SSBP2: variants seen among roughly 807,000 people sequenced by gnomAD.
The protein encoded by SSBP2 is single-stranded DNA-binding protein 2.
A neutral mutation model predicts 61.8 loss-of-function variants in SSBP2; 17 were observed. The ratio of observed to expected loss-of-function variants is 0.28; its 90% CI spans 0.19 to 0.41. SSBP2 has a LOEUF of 0.41. Ranked by LOEUF, SSBP2 falls within the 10% of genes least tolerant of loss-of-function variation. SSBP2 has a pLI of 1.00. For synonymous variants in SSBP2, 139 were observed against 141.3 expected (o/e 0.98, Z 0.12); for missense variants, 310 against 458.7 (o/e 0.68, Z 2.96).
At chr5:81,647,343 G>T (rs533913188) in intron 2 of SSBP2, among the ~76,000 whole-genome samples, 4 of 151,954 alleles carry the variant, frequency 2.6e-5, no homozygotes, top group Admixed American at 2.6e-4. Flanking sequence ...AAAATATATA[G>T]TATTACTTTA....
intron 6 of SSBP2, among the ~76,000 whole-genome samples, chr5:81,476,268 C>G (rs1471707424): frequency 2.0e-5 from 3 of 152,114 alleles, no homozygotes; most frequent in Admixed American, 6.5e-5. Context: ...CACTACCATC[C>G]AAGTCCAAGA....
intron 10 of SSBP2, 57 bp downstream of exon 10, chr5:81,460,997 AT>A: frequency 9.1e-7 from 1 of 1,094,282 alleles, no homozygotes; most frequent in East Asian, 3.2e-5. Flanking sequence ...TGTTTTTGTG[AT>A]TTTTGTTAAA....
At chr5:81,516,952 C>T (rs533528239) in intron 4 of SSBP2, among the ~76,000 whole-genome samples, 1 of 152,124 alleles carries the variant, frequency 6.6e-6, no homozygotes, top group South Asian at 2.1e-4. Flanking sequence ...GGGCCTGAAC[C>T]ATAAAGCATG....
intron 5 of SSBP2, among the ~76,000 whole-genome samples, chr5:81,509,060 T>A (rs148084048): frequency 2.0e-5 from 3 of 152,296 alleles, no homozygotes; most frequent in Non-Finnish European, 4.4e-5. Context: ...ATTTAGTAGT[T>A]GCAACCAGGA....
chr5:81,634,160 A>G (rs1747984030), intron 3 of SSBP2, among the ~76,000 whole-genome samples: 1 of 152,196 alleles, frequency 6.6e-6, no homozygotes, highest in South Asian at 2.1e-4. Flanking sequence ...TTTAAATCTG[A>G]TAAGAAGCAT....
chr5:81,652,515 G>A (rs942083590), intron 1 of SSBP2, among the ~76,000 whole-genome samples: 3 of 152,102 alleles, frequency 2.0e-5, no homozygotes, highest in African/African-American at 7.2e-5. Context: ...CCTACCATTA[G>A]AATCTGCTGT....
intron 1 of SSBP2, among the ~76,000 whole-genome samples, chr5:81,717,909 GAGGA>G (rs1288316698): frequency 6.6e-6 from 1 of 152,116 alleles, no homozygotes; most frequent in Non-Finnish European, 1.5e-5. Context: ...CCAATCAATG[GAGGA>G]TACATGGTTG....
chr5:81,635,271 A>G (rs544012778), intron 3 of SSBP2, among the ~76,000 whole-genome samples: 1 of 152,190 alleles, frequency 6.6e-6, no homozygotes, highest in Non-Finnish European at 1.5e-5. Context: ...GCACTGTATC[A>G]GGTCACTATT....
intron 6 of SSBP2, among the ~76,000 whole-genome samples, chr5:81,479,239 G>A (rs1765805210): frequency 6.6e-6 from 1 of 152,062 alleles, no homozygotes; most frequent in South Asian, 2.1e-4. Context: ...ACATGTTAAA[G>A]GTATTCCACC....
At chr5:81,709,765 G>C (rs544312343) in intron 1 of SSBP2, among the ~76,000 whole-genome samples, 1 of 151,464 alleles carries the variant, frequency 6.6e-6, no homozygotes, top group South Asian at 2.1e-4. Flanking sequence ...CCTTTATTTT[G>C]AAAAGAAAAA....
intron 1 of SSBP2, among the ~76,000 whole-genome samples, chr5:81,730,731 A>T (rs1008771090): frequency 6.6e-6 from 1 of 152,182 alleles, no homozygotes; most frequent in Non-Finnish European, 1.5e-5. Context: ...ACAATCTGGT[A>T]GAAAGGAAAG....
At chr5:81,551,732 CAATTAA>C (rs2154130193) in intron 4 of SSBP2, among the ~76,000 whole-genome samples, 1 of 152,120 alleles carries the variant, frequency 6.6e-6, no homozygotes, top group African/African-American at 2.4e-5. Flanking sequence ...GTGCTGAAAA[CAATTAA>C]AATTAAGTTT....
intron 4 of SSBP2, among the ~76,000 whole-genome samples, chr5:81,593,334 G>T (rs1357362670): frequency 6.6e-6 from 1 of 152,168 alleles, no homozygotes; most frequent in East Asian, 1.9e-4. Flanking sequence ...AGAAATATGG[G>T]ACTATGTGAA....
At chr5:81,705,285 T>C (rs1754291326) in intron 1 of SSBP2, among the ~76,000 whole-genome samples, 1 of 152,072 alleles carries the variant, frequency 6.6e-6, no homozygotes, top group African/African-American at 2.4e-5. Flanking sequence ...GCAAATAAAA[T>C]GTTAGAGTTT....
intron 4 of SSBP2, among the ~76,000 whole-genome samples, chr5:81,520,411 T>C (rs1769381172): frequency 6.6e-6 from 1 of 152,214 alleles, no homozygotes; most frequent in African/African-American, 2.4e-5. Flanking sequence ...CTAATGATTA[T>C]AATTTATTTG....
intron 1 of SSBP2, among the ~76,000 whole-genome samples, chr5:81,657,901 T>G (rs1001065559): frequency 6.6e-6 from 1 of 152,160 alleles, no homozygotes; most frequent in African/African-American, 2.4e-5. Flanking sequence ...GAAACTTTAT[T>G]TTTTAATTGA....
intron 4 of SSBP2, among the ~76,000 whole-genome samples, chr5:81,544,296 C>A (rs544526796): frequency 6.6e-6 from 1 of 152,150 alleles, no homozygotes; most frequent in African/African-American, 2.4e-5. Context: ...ATCCGCCCCC[C>A]TCAGCCACCC....
chr5:81,744,918 A>G lies in SSBP2; in HGVS notation c.62+6063T>C, dbSNP rs1581466971. On this transcript the variant is annotated intron_variant, in intron 1 of 16. Coordinates refer to ENST00000320672, the MANE Select transcript of SSBP2 (RefSeq NM_012446.5). ...ACTGAAGTTTGTCTTTAAAAAAAAG[A>G]ACAAAAAAATAAATATTAATTATGC... 2.0e-5 allele frequency among the ~76,000 whole-genome samples: 3 copies of G among 152,242 alleles called. No individual in the cohort carries two copies. The East Asian group carries it at 5.8e-4, about 29-fold the overall frequency.
At chr5:81,594,707 T>G (rs916061623) in intron 4 of SSBP2, among the ~76,000 whole-genome samples, 1 of 152,154 alleles carries the variant, frequency 6.6e-6, no homozygotes, top group Non-Finnish European at 1.5e-5. Flanking sequence ...ACCGCTCAAC[T>G]ACATGGAAAA....
Sources: allele counts gnomAD v4.1 joint callset (sites outside exome capture counted in the v4.1 genomes callset), GRCh38; gene constraint gnomAD v4.1.1; transcripts MANE v1.5; gene names NCBI Gene and HGNC (gene_info 2026-07-23, HGNC 2026-07-21).